USH2A: variants seen among roughly 807,000 people sequenced by gnomAD.
The protein encoded by USH2A is usherin.
Under a neutral mutation model 538.9 loss-of-function variants are expected in USH2A, and 443 were observed. The observed-to-expected ratio is 0.82, with a 90% CI of 0.76 to 0.89. The LOEUF is 0.89. Ranked by LOEUF, USH2A falls within the 40% of genes least tolerant of loss-of-function variation. USH2A has a pLI of 0.00. For missense variants in USH2A, 6,633 were observed against 6,324.8 expected (o/e 1.05, Z -1.65); for synonymous variants, 2,413 against 2,273.5 (o/e 1.06, Z -1.75).
chr1:215,733,910 A>G (rs535022071), intron 60 of USH2A, among the ~76,000 whole-genome samples: 35 of 152,268 alleles, frequency 2.3e-4, no homozygotes, highest in African/African-American at 5.8e-4. Flanking sequence ...GGCTTTTTTC[A>G]GGATACAAGC....
chr1:216,209,245 G>C (rs563784939), intron 15 of USH2A, among the ~76,000 whole-genome samples: 1 of 152,278 alleles, frequency 6.6e-6, no homozygotes, highest in East Asian at 1.9e-4. Flanking sequence ...ACTCATGGAG[G>C]GATGCAGTTA....
intron 43 of USH2A, among the ~76,000 whole-genome samples, chr1:215,871,142 C>T (rs1337077823): frequency 6.6e-6 from 1 of 152,124 alleles, no homozygotes; most frequent in African/African-American, 2.4e-5. Context: ...CCCCCATTTG[C>T]TTGAGACCAT....
intron 4 of USH2A, among the ~76,000 whole-genome samples, chr1:216,362,186 CA>C (rs1158391288): frequency 1.3e-5 from 2 of 151,868 alleles, no homozygotes; most frequent in Admixed American, 6.6e-5. Flanking sequence ...CATAAGCCAT[CA>C]AAAAACTGAA....
intron 64 of USH2A, 96 bp from the exon 65 acceptor site, chr1:215,650,897 C>A: frequency 7.4e-7 from 1 of 1,350,648 alleles, no homozygotes; most frequent in Non-Finnish European, 1.0e-6. Flanking sequence ...AATTGGCAAC[C>A]AAAAGCAACT....
chr1:216,343,595 C>A (rs530743649), intron 4 of USH2A, among the ~76,000 whole-genome samples: 3 of 150,382 alleles, frequency 2.0e-5, no homozygotes, highest in African/African-American at 7.3e-5. Flanking sequence ...AAAACAAATT[C>A]TCAATGTGGT....
intron 21 of USH2A, among the ~76,000 whole-genome samples, chr1:216,115,770 C>A (rs1374116980): frequency 1.3e-5 from 2 of 151,430 alleles, no homozygotes; most frequent in African/African-American, 4.9e-5. Flanking sequence ...ATTTGGAAAA[C>A]AATTGTGTCT....
chr1:215,630,212 T>C (rs1403401549), intron 70 of USH2A: 2 of 468,462 alleles, frequency 4.3e-6, no homozygotes, highest in Non-Finnish European at 8.6e-6. Context: ...GTGTAACTTT[T>C]TAGGGTGACA....
intron 4 of USH2A, among the ~76,000 whole-genome samples, chr1:216,332,931 T>C (rs1022461350): frequency 6.6e-6 from 1 of 152,060 alleles, no homozygotes; most frequent in African/African-American, 2.4e-5. Context: ...ATATGGCATA[T>C]GCAAAGAAAC....
intron 47 of USH2A, among the ~76,000 whole-genome samples, chr1:215,836,102 A>G (rs1403586325): frequency 1.3e-5 from 2 of 152,096 alleles, no homozygotes; most frequent in East Asian, 2.0e-4. Context: ...TTATAAATAA[A>G]TATGTACTAT....
intron 19 of USH2A, among the ~76,000 whole-genome samples, chr1:216,195,108 A>C (rs553938986): frequency 7.4e-4 from 113 of 152,302 alleles, no homozygotes; most frequent in African/African-American, 2.5e-3. Flanking sequence ...ACATCTGGTC[A>C]TGGAACACCA....
intron 30 of USH2A, among the ~76,000 whole-genome samples, chr1:216,061,140 C>G (rs565871424): frequency 6.6e-6 from 1 of 152,272 alleles, no homozygotes; most frequent in South Asian, 2.1e-4. Flanking sequence ...GGCCTGTTAA[C>G]CCTTGGACTC....
At chr1:216,108,085 CTTCA>C (rs1571967368) in intron 21 of USH2A, among the ~76,000 whole-genome samples, 1 of 151,394 alleles carries the variant, frequency 6.6e-6, no homozygotes, top group East Asian at 1.9e-4. Flanking sequence ...TTCCATTTTC[CTTCA>C]TTTTTTCCTC....
At chr1:216,394,807 C>T (rs934113711) in intron 3 of USH2A, among the ~76,000 whole-genome samples, 4 of 149,326 alleles carry the variant, frequency 2.7e-5, no homozygotes, top group Non-Finnish European at 4.4e-5. Context: ...CAAGCTCCGC[C>T]TCCCGGGTTC....
intron 32 of USH2A, among the ~76,000 whole-genome samples, chr1:216,006,976 T>A (rs1231782833): frequency 1.3e-5 from 2 of 152,166 alleles, no homozygotes; most frequent in Non-Finnish European, 2.9e-5. Context: ...TTCCCACATG[T>A]TGTGGGAGGG....
chr1:216,158,537 A>G (rs1447492008), intron 21 of USH2A, among the ~76,000 whole-genome samples: 2 of 152,086 alleles, frequency 1.3e-5, no homozygotes, highest in African/African-American at 2.4e-5. Context: ...CCCTGCATAT[A>G]TATGTATTTA....
intron 4 of USH2A, among the ~76,000 whole-genome samples, chr1:216,355,744 A>C (rs1249041619): frequency 6.6e-6 from 1 of 152,148 alleles, no homozygotes; most frequent in Non-Finnish European, 1.5e-5. Flanking sequence ...GACAAAACAC[A>C]GAATTTTAAA....
At position 215,806,439 on chromosome 1, in the gene USH2A, C is replaced by T. The variant is rs535133478; in HGVS notation, c.9739+7297G>A. ...GCTAATTACCTGATGCCTTTGTTATCAACATCTCTGACTTTGAATGTGTCT... is the reference window on the plus strand; with the variant it reads ...GCTAATTACCTGATGCCTTTGTTATTAACATCTCTGACTTTGAATGTGTCT... On this transcript the variant is annotated intron_variant, in intron 49 of 71. Transcript: ENST00000307340. Among the ~76,000 whole-genome samples, 8 of 152,144 alleles carry T rather than the reference C, an allele frequency of 5.3e-5. No individual in the cohort carries two copies. In the South Asian group the frequency reaches 6.2e-4, roughly 12 times the overall value.
At chr1:216,221,660 C>A (rs1180264558) in intron 14 of USH2A, among the ~76,000 whole-genome samples, 1 of 152,206 alleles carries the variant, frequency 6.6e-6, no homozygotes, top group Non-Finnish European at 1.5e-5. Context: ...GGGGCAGTGA[C>A]TCCCTTGCAT....
chr1:216,343,363 C>A (rs1451843949), intron 4 of USH2A, among the ~76,000 whole-genome samples: 1 of 129,604 alleles, frequency 7.7e-6, no homozygotes, highest in African/African-American at 3.1e-5. Context: ...TAGTAAGAAC[C>A]ATCTCTACAA....
Sources: gnomAD v4.1 joint callset for allele counts (sites outside exome capture counted in the v4.1 genomes callset) on GRCh38, gnomAD v4.1.1 for gene constraint, MANE v1.5 for transcripts, NCBI Gene and HGNC (gene_info 2026-07-23, HGNC 2026-07-21) for gene names.